Variants in GPX6 observed in about 807,000 individuals in gnomAD.
The protein encoded by GPX6 is glutathione peroxidase 6 (olfactory).
In GPX6, 21 loss-of-function variants were observed where a neutral mutation model predicts 20.0. The observed-to-expected ratio is 1.05, with a 90% confidence interval of 0.74 to 1.51. The LOEUF is 1.51. GPX6 is among the 40% of genes most tolerant of loss of function. The probability of loss-of-function intolerance (pLI) is 0.00; values close to 1 mark genes in which losing one functional copy is unlikely to be tolerated. For missense variants in GPX6, 233 were observed against 254.7 expected (o/e 0.91, Z 0.58); for synonymous variants, 75 against 98.0 (o/e 0.77, Z 1.38).
Position 28,504,238 on chromosome 6 carries a change from A to G in GPX6, c.*54T>C. 2.0e-6 allele frequency: 3 copies of G among 1,535,628 alleles called. No homozygotes were observed. The highest frequency in any genetic ancestry group is 2.7e-6 in the Non-Finnish European group (3 of 1,111,400). ...AGGAGGAAGATGGATGCTTTGTTAG[A>G]CATTCCTGCAGGTGGGAGACAGGGT... On this transcript the variant is annotated 3_prime_UTR_variant, in exon 5 of 5. Coordinates refer to ENST00000361902, the MANE Select transcript of GPX6 (RefSeq NM_182701.1).
At chr6:28,513,092 G>T (rs575351214) in intron 1 of GPX6, among the ~76,000 whole-genome samples, 8 of 152,192 alleles carry the variant, frequency 5.3e-5, no homozygotes, top group Non-Finnish European at 8.8e-5. Flanking sequence ...ATGGAGTTTG[G>T]CCGGGCTCCA....
chr6:28,512,880 C>G (rs888761256), intron 1 of GPX6, among the ~76,000 whole-genome samples: 2 of 152,102 alleles, frequency 1.3e-5, no homozygotes, highest in Non-Finnish European at 2.9e-5. Flanking sequence ...TCTTGAGCCT[C>G]TGCAGCTTCA....
intron 1 of GPX6, among the ~76,000 whole-genome samples, chr6:28,514,296 C>T (rs1306979506): frequency 6.6e-6 from 1 of 152,166 alleles, no homozygotes; most frequent in Non-Finnish European, 1.5e-5. Flanking sequence ...ACTGCAGACT[C>T]GAAGAGCTCA....
intron 2 of GPX6, among the ~76,000 whole-genome samples, chr6:28,507,093 G>A (rs1030833334): frequency 4.6e-5 from 7 of 152,142 alleles, no homozygotes; most frequent in Non-Finnish European, 4.4e-5. Flanking sequence ...TCCCTGGGAC[G>A]CCAGGCCATA....
intron 1 of GPX6, among the ~76,000 whole-genome samples, chr6:28,514,209 C>T (rs963738362): frequency 6.6e-6 from 1 of 152,204 alleles, no homozygotes; most frequent in Admixed American, 6.5e-5. Context: ...TACCTTAGCT[C>T]TGGGTGCAAC....
chr6:28,506,882 T>TC (rs1561998992), intron 2 of GPX6, among the ~76,000 whole-genome samples: 1 of 151,490 alleles, frequency 6.6e-6, no homozygotes, highest in African/African-American at 2.4e-5. Flanking sequence ...TATCCCTGCA[T>TC]CCCCCCGGCC....
Position 28,505,814 on chromosome 6 carries a change from C to A in GPX6, c.360-12G>T. The stretch of plus-strand genomic sequence containing the variant: ...CTGGACACACATACCTGCAGTGAAC[C>A]AAAGTTGTTCCCAGCAAGATACAAA... On this transcript the variant is annotated splice_polypyrimidine_tract_variant and intron_variant, in intron 3 of 4. Transcript: ENST00000361902. 6.2e-7 allele frequency: 1 copy of A among 1,602,640 alleles called. No homozygotes were observed. The highest frequency in any genetic ancestry group is 1.1e-5 in the South Asian group (1 of 90,798).
Position 28,505,893 on chromosome 6 carries a change from T to C in GPX6, c.360-91A>G, listed in dbSNP as rs1660186065. On this transcript the variant is annotated intron_variant, in intron 3 of 4. Coordinates refer to ENST00000361902, the MANE Select transcript of GPX6 (RefSeq NM_182701.1). ...CCACCAATTCACTACCACAGGAAAT[T>C]CAAGATAAAGGGAAGAGGCTGTGCA... 3 of 945,904 alleles carry C rather than the reference T, an allele frequency of 3.2e-6. No individual in the cohort carries two copies. The Admixed American group carries it at 5.3e-5, about 17-fold the overall frequency. The allele number at this position is 945,904 out of a possible 1,614,324, so 58.6% of individuals were successfully genotyped here.
Position 28,504,126 on chromosome 6 carries a change from C to A in GPX6, c.*166G>T, listed in dbSNP as rs554001253. 1.8e-5 allele frequency: 10 copies of A among 548,276 alleles called. No homozygotes were observed. The highest frequency in any genetic ancestry group is 3.9e-5 in the East Asian group (1 of 25,914). 34.0% of individuals were successfully genotyped at this position (548,276 alleles called of 1,614,324 possible). A position where few individuals can be genotyped will look rare whatever the true frequency, so the allele number is the denominator to read the frequency against. On this transcript the variant is annotated 3_prime_UTR_variant, in exon 5 of 5. Coordinates refer to ENST00000361902, the MANE Select transcript of GPX6 (RefSeq NM_182701.1). ...CACACACACACACACACACACACAG[C>A]TACACACACATGCTAAGCAGGTGCT...
intron 3 of GPX6, 32 bp downstream of exon 3, chr6:28,506,278 CAG>C: frequency 7.8e-7 from 1 of 1,278,956 alleles, no homozygotes; most frequent in Non-Finnish European, 1.1e-6. Context: ...GAAATCCCGA[CAG>C]GGCATCTGCA....
intron 1 of GPX6, among the ~76,000 whole-genome samples, chr6:28,513,231 G>A (rs1454693046): frequency 6.6e-6 from 1 of 152,170 alleles, no homozygotes; most frequent in Non-Finnish European, 1.5e-5. Flanking sequence ...AGATCCCTGG[G>A]ATACAGAAAG....
In GPX6 at chr6:28,510,869, A is replaced by G. The variant is rs1413086621; in HGVS notation, c.123T>C (p.Tyr41=). The G allele has an allele frequency of 6.2e-7, 1 of 1,613,456 alleles. No homozygotes were observed. The highest frequency in any genetic ancestry group is 8.5e-7 in the Non-Finnish European group (1 of 1,179,458). The change falls in exon 2 of 5, where the codon TAT becomes TAC. Residue 41 remains tyrosine (Y), a synonymous_variant. Transcript: ENST00000361902. ...DCNKGVTGTI[Y]EYGALTLNGE... The stretch of plus-strand genomic sequence containing the variant: ...CGTTGAGGGTGAGGGCTCCATACTC[A>G]TAGATGGTGCCTGTTACCCCTTTGT...
chr6:28,505,692 T>C lies in GPX6; in HGVS notation c.459+11A>G, dbSNP rs1426605647. 1.2e-6 allele frequency: 2 copies of C among 1,606,434 alleles called. No homozygotes were observed. Among genetic ancestry groups the C allele is most frequent in the Non-Finnish European group, 1.7e-6 (2 of 1,173,052 alleles). The stretch of plus-strand genomic sequence containing the variant: ...AGCTAACCCATCCATGCCAGGTTTA[T>C]ACTCATGCACCTTCAGGAAAGTAAA... On this transcript the variant is annotated intron_variant, in intron 4 of 4. Transcript: ENST00000361902.
Position 28,504,508 on chromosome 6 carries a change from A to G in GPX6, c.460-10T>C. 1 of 1,610,636 alleles carries G rather than the reference A, an allele frequency of 6.2e-7. No homozygotes were observed. Among genetic ancestry groups the G allele is most frequent in the South Asian group, 1.1e-5 (1 of 90,940 alleles). On this transcript the variant is annotated splice_polypyrimidine_tract_variant and intron_variant, in intron 4 of 4. Coordinates refer to ENST00000361902, the MANE Select transcript of GPX6 (RefSeq NM_182701.1). ...TCGGAGGGCAGGAGTTCTGGAGCAG[A>G]GATATAGAAAGTAGAGATATACATT... is the stretch of plus-strand genomic sequence containing the variant.
intron 2 of GPX6, among the ~76,000 whole-genome samples, chr6:28,509,282 G>A (rs1297941995): frequency 6.6e-6 from 1 of 151,692 alleles, no homozygotes; most frequent in African/African-American, 2.4e-5. Context: ...CACTTTGGGA[G>A]GCCAAGACTT....
At chr6:28,513,412 T>C (rs1236144472) in intron 1 of GPX6, among the ~76,000 whole-genome samples, 2 of 151,748 alleles carry the variant, frequency 1.3e-5, no homozygotes, top group Non-Finnish European at 2.9e-5. Context: ...GTTTGTATGC[T>C]CCCCCTCTGC....
chr6:28,511,027 G>T (rs1487387639), intron 1 of GPX6, 123 bp from the exon 2 acceptor site: 2 of 814,866 alleles, frequency 2.5e-6, no homozygotes, highest in East Asian at 3.0e-5. Flanking sequence ...GAACTGAAGG[G>T]ATCTTTCCAA....
At chr6:28,505,882 C>G (rs902218246) in intron 3 of GPX6, 80 bp from the exon 4 acceptor site, 5 of 992,208 alleles carry the variant, frequency 5.0e-6, no homozygotes, top group Non-Finnish European at 6.5e-6. Flanking sequence ...CAATTCACTA[C>G]CACAGGAAAT....
chr6:28,512,797 C>T (rs901766765), intron 1 of GPX6, among the ~76,000 whole-genome samples: 6 of 152,100 alleles, frequency 3.9e-5, no homozygotes, highest in African/African-American at 1.2e-4. Context: ...ACGAACCCAC[C>T]GGGAGGAATG....
Sources: gnomAD v4.1 joint callset for allele counts (sites outside exome capture counted in the v4.1 genomes callset) on GRCh38, gnomAD v4.1.1 for gene constraint, MANE v1.5 for transcripts, NCBI Gene and HGNC (gene_info 2026-07-23, HGNC 2026-07-21) for gene names.